Variants in SSR1 observed in about 807,000 individuals in gnomAD.
SSR1 encodes translocon-associated protein subunit alpha.
In SSR1, 13 loss-of-function variants were observed where a neutral mutation model predicts 36.1. That is an observed-to-expected ratio of 0.36 (90% CI 0.23 to 0.57). The LOEUF (loss-of-function observed/expected upper bound fraction) is 0.57. Among genes scored for constraint, SSR1 ranks in the 20% least tolerant of loss-of-function variants. The probability of loss-of-function intolerance (pLI) is 0.81; values close to 1 mark genes in which losing one functional copy is unlikely to be tolerated. For synonymous variants in SSR1, 113 were observed against 118.9 expected, an observed-to-expected ratio of 0.95 and a Z score of 0.32; for missense variants, 291 against 338.5, an observed-to-expected ratio of 0.86 and a Z score of 1.10.
chr6:7,301,326 T>C lies in SSR1; in HGVS notation c.527A>G (p.Asn176Ser). ...GRPFGLVINL[N>S]YKDLNGNVFQ... ...GGATCTTACGTTCAAATCTTTGTAG[T>C]TCAGATTGATGACCAAACCAAATGG... Residue 176 changes from asparagine to serine, a missense_variant, in exon 4 of 8, where the codon AAC becomes AGC. Coordinates refer to ENST00000244763, the MANE Select transcript of SSR1 (RefSeq NM_003144.5). The C allele has an allele frequency of 6.2e-7, 1 of 1,614,102 alleles. No individual in the cohort carries two copies. The highest frequency in any genetic ancestry group is 8.5e-7 in the Non-Finnish European group (1 of 1,180,018).
chr6:7,295,540 T>C, intron 6 of SSR1, 55 bp from the exon 7 acceptor site: 1 of 1,309,296 alleles, frequency 7.6e-7, no homozygotes, highest in Non-Finnish European at 1.0e-6. Flanking sequence ...ATTTACTTAA[T>C]ATTTTTTAAA....
At chr6:7,308,821 A>C (rs1758124621) in intron 2 of SSR1, among the ~76,000 whole-genome samples, 1 of 152,228 alleles carries the variant, frequency 6.6e-6, no homozygotes, top group Non-Finnish European at 1.5e-5. Flanking sequence ...CCTGGCACAT[A>C]AGGATTCAGA....
At chr6:7,300,796 C>T (rs963005617) in intron 4 of SSR1, among the ~76,000 whole-genome samples, 1 of 152,128 alleles carries the variant, frequency 6.6e-6, no homozygotes, top group African/African-American at 2.4e-5. Context: ...GCGACTGCCA[C>T]CATGCCCAGC....
Position 7,313,151 on chromosome 6 carries a change from C to T in SSR1, c.-31G>A. On this transcript the variant is annotated 5_prime_UTR_variant, in exon 1 of 8. Transcript: ENST00000244763. ...TGCCGGTCCAGTGTCCAGTTTCCGT[C>T]GGCTAAGGCTCTCGGCGGCTCCGGC... The T allele has an allele frequency of 1.3e-6, 2 of 1,581,950 alleles. No individual in the cohort carries two copies. Among genetic ancestry groups the T allele is most frequent in the African/African-American group, 1.4e-5 (1 of 73,252 alleles).
intron 7 of SSR1, among the ~76,000 whole-genome samples, chr6:7,293,344 C>T (rs1045521450): frequency 2.0e-5 from 3 of 152,024 alleles, no homozygotes; most frequent in Non-Finnish European, 4.4e-5. Flanking sequence ...TCCCTCACCC[C>T]CCTCCTACCC....
chr6:7,299,600 A>G (rs573070505), intron 4 of SSR1, among the ~76,000 whole-genome samples: 135 of 151,532 alleles, frequency 8.9e-4, no homozygotes, highest in Non-Finnish European at 9.6e-4. Flanking sequence ...CAGGTGGCTG[A>G]GGCAGGAGAA....
chr6:7,295,145 C>T, intron 7 of SSR1: 1 of 1,510,228 alleles, frequency 6.6e-7, no homozygotes, highest in Non-Finnish European at 8.8e-7. Flanking sequence ...GGATTAGGAA[C>T]ACAGAAAATT....
intron 1 of SSR1, among the ~76,000 whole-genome samples, chr6:7,311,216 CA>C (rs1335822637): frequency 6.6e-6 from 1 of 151,362 alleles, no homozygotes; most frequent in African/African-American, 2.4e-5. Context: ...AGGTATAATG[CA>C]AAAAAAAGGT....
chr6:7,297,827 C>T, intron 6 of SSR1, 96 bp downstream of exon 6: 2 of 846,098 alleles, frequency 2.4e-6, no homozygotes, highest in Non-Finnish European at 3.8e-6. Context: ...GTATACAAAC[C>T]CACAGTGACA....
chr6:7,308,323 T>C (rs796253352), intron 2 of SSR1, among the ~76,000 whole-genome samples: 2 of 152,068 alleles, frequency 1.3e-5, no homozygotes, highest in African/African-American at 2.4e-5. Flanking sequence ...ATTTGCTTAG[T>C]TGGAAGACAT....
At chr6:7,303,405 A>AT in intron 3 of SSR1, 145 bp downstream of exon 3, 1 of 472,686 alleles carries the variant, frequency 2.1e-6, no homozygotes, top group South Asian at 4.7e-5. Context: ...CCCTTGGTTT[A>AT]TTTTTTATTG....
chr6:7,304,141 T>C (rs1000723452), intron 2 of SSR1, among the ~76,000 whole-genome samples: 6 of 152,206 alleles, frequency 3.9e-5, no homozygotes, highest in African/African-American at 7.2e-5. Flanking sequence ...GCAGATCTAA[T>C]TCAGGTCTAG....
chr6:7,294,592 G>T (rs12209525), intron 7 of SSR1, among the ~76,000 whole-genome samples: 6,634 of 152,298 alleles, frequency 0.044, 192 homozygotes, highest in Non-Finnish European at 0.063. Flanking sequence ...TTGGGAAGCT[G>T]AGGCAGGAGA....
intron 5 of SSR1, 69 bp from the exon 6 acceptor site, chr6:7,298,070 A>G (rs534747937): frequency 3.0e-5 from 34 of 1,151,928 alleles, no homozygotes; most frequent in Non-Finnish European, 4.1e-5. Context: ...TTACAACTAT[A>G]ATTATAACAC....
rs1366742503 is a variant in SSR1 at position 7,288,107 on chromosome 6, G to A, written c.*1757C>T. On this transcript the variant is annotated 3_prime_UTR_variant, in exon 8 of 8. Transcript: ENST00000244763. ...AGGTATTCCATAAAACTCTGTAGAGGCCATTTACATTTCGTAAATTCTGTA... is the reference window on the plus strand; with the variant it reads ...AGGTATTCCATAAAACTCTGTAGAGACCATTTACATTTCGTAAATTCTGTA... 1 of 152,094 alleles carries A rather than the reference G, an allele frequency of 6.6e-6. No homozygotes were observed. Among genetic ancestry groups the A allele is most frequent in the Non-Finnish European group, 1.5e-5 (1 of 68,020 alleles). The allele number at this position is 152,094 out of a possible 1,614,324, so 9.4% of individuals were successfully genotyped here.
intron 2 of SSR1, among the ~76,000 whole-genome samples, chr6:7,307,337 T>C (rs772726633): frequency 2.0e-5 from 3 of 152,214 alleles, no homozygotes; most frequent in Non-Finnish European, 4.4e-5. Context: ...CTTAATTATT[T>C]TCTGATTTGA....
chr6:7,289,747 C>T lies in SSR1; in HGVS notation c.*117G>A. On this transcript the variant is annotated 3_prime_UTR_variant, in exon 8 of 8. Coordinates refer to ENST00000244763, the MANE Select transcript of SSR1 (RefSeq NM_003144.5). The stretch of plus-strand genomic sequence containing the variant: ...CGCCACAGACTCTGATTGCTCAGTC[C>T]ACACACAAGTAGGAGTTGCCTTCTA... 2.4e-6 allele frequency: 2 copies of T among 842,226 alleles called. No homozygotes were observed. Among genetic ancestry groups the T allele is most frequent in the African/African-American group, 1.8e-5 (1 of 55,782 alleles). 52.2% of individuals were successfully genotyped at this position (842,226 alleles called of 1,614,324 possible).
intron 7 of SSR1, among the ~76,000 whole-genome samples, chr6:7,292,935 G>A (rs1481762311): frequency 6.6e-6 from 1 of 151,972 alleles, no homozygotes; most frequent in East Asian, 1.9e-4. Flanking sequence ...ACAGAAAGCA[G>A]TAGAGAAAAC....
intron 7 of SSR1, chr6:7,295,112 CAGAA>C: frequency 6.6e-7 from 1 of 1,519,498 alleles, no homozygotes; most frequent in East Asian, 2.5e-5. Flanking sequence ...ACTGAAGCAA[CAGAA>C]AGAAAAGAGA....
Sources: gnomAD v4.1 joint callset for allele counts (sites outside exome capture counted in the v4.1 genomes callset) on GRCh38, gnomAD v4.1.1 for gene constraint, MANE v1.5 for transcripts, NCBI Gene and HGNC (gene_info 2026-07-23, HGNC 2026-07-21) for gene names.